Variants in ZBTB16 observed in about 807,000 individuals in gnomAD.
The protein encoded by ZBTB16 is zinc finger and BTB domain containing 16.
ZBTB16 carries 8 observed loss-of-function variants against 56.8 expected under a neutral mutation model. That is an observed-to-expected ratio of 0.14 (90% CI 0.08 to 0.25). ZBTB16 has a LOEUF of 0.25. Among genes scored for constraint, ZBTB16 ranks in the 10% least tolerant of loss-of-function variants. ZBTB16 has a pLI of 1.00. For synonymous variants in ZBTB16, 363 were observed against 368.5 expected (o/e 0.98, Z 0.17); for missense variants, 625 against 903.0 (o/e 0.69, Z 3.95).
At chr11:114,139,099 C>T (rs1941877597) in intron 2 of ZBTB16, among the ~76,000 whole-genome samples, 1 of 152,232 alleles carries the variant, frequency 6.6e-6, no homozygotes, top group Non-Finnish European at 1.5e-5. Flanking sequence ...TCTCTTTCTC[C>T]TCCAGAGTGA....
chr11:114,094,984 A>T (rs1214033907), intron 2 of ZBTB16, among the ~76,000 whole-genome samples: 1 of 152,200 alleles, frequency 6.6e-6, no homozygotes, highest in African/African-American at 2.4e-5. Flanking sequence ...GTGGCCCCAC[A>T]CCATAGAAGC....
intron 4 of ZBTB16, among the ~76,000 whole-genome samples, chr11:114,197,134 C>G (rs1191523907): frequency 1.3e-5 from 2 of 152,194 alleles, no homozygotes; most frequent in Non-Finnish European, 2.9e-5. Context: ...ACTGTGACTA[C>G]AAAATAAGTA....
intron 4 of ZBTB16, among the ~76,000 whole-genome samples, chr11:114,206,738 TA>T (rs1565685610): frequency 6.6e-6 from 1 of 152,366 alleles, no homozygotes; most frequent in Non-Finnish European, 1.5e-5. Flanking sequence ...AGATAAGTAA[TA>T]AAACAAGGCA....
rs1591817686 is a variant in ZBTB16, at chr11:114,252,011, A to T, written c.*1456A>T. 6.6e-6 allele frequency among the ~76,000 whole-genome samples: 1 copy of T among 151,562 alleles called. No homozygotes were observed. The highest frequency in any genetic ancestry group is 1.9e-4 in the East Asian group (1 of 5,146). On this transcript the variant is annotated 3_prime_UTR_variant, in exon 7 of 7. Transcript: ENST00000335953. ...TTTTTATAGACTTCAGCTGGTCAAG[A>T]CCCTCCCCGTGCCCCTGGAGACCAG...
chr11:114,224,625 AAG>A (rs2135157930), intron 4 of ZBTB16, among the ~76,000 whole-genome samples: 1 of 152,306 alleles, frequency 6.6e-6, no homozygotes, highest in South Asian at 2.1e-4. Context: ...TTTATATAAC[AAG>A]AGAGTATAGA....
intron 4 of ZBTB16, among the ~76,000 whole-genome samples, chr11:114,233,067 G>GCGCGCGCA (rs1491310151): frequency 2.7e-4 from 4 of 14,804 alleles, no homozygotes; most frequent in African/African-American, 7.1e-4. Context: ...ACATACGCAT[G>GCGCGCGCA]CGCGCGCGCG....
chr11:114,195,287 A>G lies in ZBTB16; in HGVS notation c.1453+8249A>G, dbSNP rs535738194. Among the ~76,000 whole-genome samples the G allele has an allele frequency of 3.9e-5, 6 of 152,254 alleles. No homozygotes were observed. In the East Asian group the frequency reaches 1.2e-3, roughly 29 times the overall value. Reference sequence around the variant, plus strand: ...TCTGAGCAAAGAGGCCATGAGGGTGACCTGTAGGAACCTTCAACTCTTTCA... The same window carrying G: ...TCTGAGCAAAGAGGCCATGAGGGTGGCCTGTAGGAACCTTCAACTCTTTCA... On this transcript the variant is annotated intron_variant, in intron 4 of 6. Transcript: ENST00000335953.
At chr11:114,162,947 C>T (rs901987785) in intron 3 of ZBTB16, among the ~76,000 whole-genome samples, 1 of 152,156 alleles carries the variant, frequency 6.6e-6, no homozygotes, top group African/African-American at 2.4e-5. Flanking sequence ...TCGTCACTGG[C>T]CTGCCGGCAG....
At chr11:114,187,107 T>G (rs1943378606) in intron 4 of ZBTB16, 69 bp downstream of exon 4, 2 of 1,504,814 alleles carry the variant, frequency 1.3e-6, no homozygotes, top group Non-Finnish European at 1.8e-6. Flanking sequence ...ATGAACTGTC[T>G]GGGTGGCAAC....
chr11:114,230,302 G>T (rs471637), intron 4 of ZBTB16, among the ~76,000 whole-genome samples: 1 of 152,074 alleles, frequency 6.6e-6, no homozygotes, highest in Non-Finnish European at 1.5e-5. Context: ...GTGTAATCAG[G>T]CTGTGCGTAC....
chr11:114,138,139 C>CCAGTCATTG (rs1339466388), intron 2 of ZBTB16, among the ~76,000 whole-genome samples: 1 of 152,100 alleles, frequency 6.6e-6, no homozygotes, highest in East Asian at 1.9e-4. Flanking sequence ...GGCAGGAGGA[C>CCAGTCATTG]CAGTCATGGG....
chr11:114,230,729 A>G (rs1289318079), intron 4 of ZBTB16, among the ~76,000 whole-genome samples: 2 of 151,186 alleles, frequency 1.3e-5, no homozygotes, highest in East Asian at 1.9e-4. Context: ...TATATGGGGT[A>G]GTTTTTCTTT....
intron 2 of ZBTB16, among the ~76,000 whole-genome samples, chr11:114,089,854 C>G (rs1038640583): frequency 3.3e-5 from 5 of 152,200 alleles, no homozygotes; most frequent in African/African-American, 1.2e-4. Context: ...AAGGTGTGTG[C>G]CACGTAAAGG....
chr11:114,098,247 C>T (rs1940487708), intron 2 of ZBTB16, among the ~76,000 whole-genome samples: 1 of 152,092 alleles, frequency 6.6e-6, no homozygotes, highest in Non-Finnish European at 1.5e-5. Flanking sequence ...TTTCCTCTGC[C>T]CCCGTGGTGG....
In ZBTB16 at chr11:114,060,607, GA is replaced by G. The variant is rs1938792349; in HGVS notation, c.-91+726del. ...TCGGTGGGTGCCGGTCTCTGCACCTGATGCGTTCGGGATGCCTTTCCCACCC... is the reference window on the plus strand; with the variant it reads ...TCGGTGGGTGCCGGTCTCTGCACCTGTGCGTTCGGGATGCCTTTCCCACCC... On this transcript the variant is annotated intron_variant, in intron 1 of 6. Coordinates refer to ENST00000335953, the MANE Select transcript of ZBTB16 (RefSeq NM_006006.6). The surrounding 1 kb of genome is among the most constrained non-coding windows in gnomAD (Gnocchi z 6.0). 2 of 132,446 alleles carry G rather than the reference GA, an allele frequency of 1.5e-5. No individual in the cohort carries two copies. Among genetic ancestry groups the G allele is most frequent in the African/African-American group, 5.7e-5 (2 of 35,096 alleles). The allele number at this position is 132,446 out of a possible 1,614,324, so 8.2% of individuals were successfully genotyped here. A position where few individuals can be genotyped will look rare whatever the true frequency, so the allele number is the denominator to read the frequency against.
At chr11:114,110,987 T>C (rs926954717) in intron 2 of ZBTB16, among the ~76,000 whole-genome samples, 2 of 152,240 alleles carry the variant, frequency 1.3e-5, no homozygotes, top group African/African-American at 2.4e-5. Flanking sequence ...AGAATTTGCA[T>C]GGAACCTGTT....
At chr11:114,103,279 G>T (rs187359095) in intron 2 of ZBTB16, among the ~76,000 whole-genome samples, 1 of 152,168 alleles carries the variant, frequency 6.6e-6, no homozygotes, top group Admixed American at 6.5e-5. Flanking sequence ...AATTCAGAAG[G>T]TGGACCCCCA....
chr11:114,243,090 G>T (rs1944745960), intron 5 of ZBTB16, among the ~76,000 whole-genome samples: 1 of 152,192 alleles, frequency 6.6e-6, no homozygotes, highest in Non-Finnish European at 1.5e-5. Flanking sequence ...TCCTGCAGCA[G>T]CTCCCAGTTT....
chr11:114,183,208 A>G (rs1943290256), intron 3 of ZBTB16, among the ~76,000 whole-genome samples: 1 of 152,076 alleles, frequency 6.6e-6, no homozygotes. Context: ...GTAAGGAGGG[A>G]CCTGGCCCAG....
Sources: gnomAD v4.1 joint callset for allele counts (sites outside exome capture counted in the v4.1 genomes callset) on GRCh38, gnomAD v4.1.1 for gene constraint, Gnocchi (gnomAD v3.1) non-coding constraint, MANE v1.5 for transcripts, NCBI Gene and HGNC (gene_info 2026-07-23, HGNC 2026-07-21) for gene names.